Variants in TMEM50B observed in about 807,000 individuals in gnomAD.
TMEM50B encodes the protein HCV p7-trans-regulated protein 3.
A neutral mutation model predicts 23.4 loss-of-function variants in TMEM50B; 14 were observed. The ratio of observed to expected loss-of-function variants is 0.60; its 90% CI spans 0.39 to 0.93. The LOEUF (loss-of-function observed/expected upper bound fraction) is 0.93, where lower values mean the gene tolerates loss of function less well. Ranked by LOEUF, TMEM50B falls within the 40% of genes least tolerant of loss-of-function variation. TMEM50B has a pLI of 0.00. For missense variants in TMEM50B, 159 were observed against 193.0 expected, an observed-to-expected ratio of 0.82 and a Z score of 1.04; for synonymous variants, 64 against 62.3, an observed-to-expected ratio of 1.03 and a Z score of -0.13.
At chr21:33,474,159 A>C (rs1314615871) in intron 1 of TMEM50B, among the ~76,000 whole-genome samples, 2 of 151,594 alleles carry the variant, frequency 1.3e-5, no homozygotes, top group Non-Finnish European at 2.9e-5. Flanking sequence ...TATATACTGT[A>C]TCTCAACAAA....
At chr21:33,475,338 G>T (rs962909092) in intron 1 of TMEM50B, among the ~76,000 whole-genome samples, 1 of 151,894 alleles carries the variant, frequency 6.6e-6, no homozygotes, top group African/African-American at 2.4e-5. Context: ...AATTTGCAAT[G>T]AAAGAAATTA....
intron 7 of TMEM50B, among the ~76,000 whole-genome samples, chr21:33,440,634 G>C (rs1400628034): frequency 2.0e-5 from 3 of 150,744 alleles, no homozygotes; most frequent in Non-Finnish European, 2.9e-5. Flanking sequence ...TGTAATCCCA[G>C]AACTTTGGGA....
At chr21:33,448,349 TAAA>T (rs1213866597), downstream of TMEM50B, among the ~76,000 whole-genome samples, 1 of 152,212 alleles carries the variant, frequency 6.6e-6, no homozygotes, top group South Asian at 2.1e-4. Context: ...TGCTCACAAC[TAAA>T]AAACAAATTC....
downstream of TMEM50B, chr21:33,447,236 C>T (rs1475080562): frequency 1.3e-5 from 2 of 151,980 alleles, no homozygotes; most frequent in South Asian, 2.1e-4. Context: ...GACACACACA[C>T]CTTTTCTCAG....
downstream of TMEM50B, among the ~76,000 whole-genome samples, chr21:33,446,092 C>G (rs2084050356): frequency 1.3e-5 from 2 of 152,180 alleles, no homozygotes; most frequent in South Asian, 2.1e-4. Context: ...CATAATCAGG[C>G]TGGCCACAGG....
intron 5 of TMEM50B, among the ~76,000 whole-genome samples, chr21:33,459,993 G>T (rs1038924517): frequency 3.3e-5 from 5 of 152,162 alleles, no homozygotes; most frequent in African/African-American, 1.2e-4. Flanking sequence ...GTCAGTTTAG[G>T]TCAGGTTTTG....
At chr21:33,469,316 T>C (rs1306929798) in intron 1 of TMEM50B, among the ~76,000 whole-genome samples, 2 of 152,150 alleles carry the variant, frequency 1.3e-5, no homozygotes, top group Non-Finnish European at 2.9e-5. Context: ...CTGGGCGTGG[T>C]GGCACATGCC....
chr21:33,445,896 A>G (rs1455217467), downstream of TMEM50B, among the ~76,000 whole-genome samples: 1 of 152,250 alleles, frequency 6.6e-6, no homozygotes, highest in Non-Finnish European at 1.5e-5. Flanking sequence ...AGACAGGGAA[A>G]CAGTCTTGCA....
At chr21:33,473,931 C>T (rs1185638963) in intron 1 of TMEM50B, among the ~76,000 whole-genome samples, 1 of 152,018 alleles carries the variant, frequency 6.6e-6, no homozygotes, top group Non-Finnish European at 1.5e-5. Context: ...GACAGAAGAC[C>T]ATATATTGTG....
chr21:33,436,641 G>T (rs2083954620), intron 8 of TMEM50B, among the ~76,000 whole-genome samples: 1 of 151,696 alleles, frequency 6.6e-6, no homozygotes, highest in South Asian at 2.1e-4. Context: ...AGAATCGCTT[G>T]AACCTGGGAA....
At chr21:33,471,126 A>C (rs940554860) in intron 1 of TMEM50B, among the ~76,000 whole-genome samples, 1 of 152,176 alleles carries the variant, frequency 6.6e-6, no homozygotes, top group African/African-American at 2.4e-5. Context: ...AGAGAGCCCC[A>C]AACACTTTAA....
At chr21:33,475,070 G>A (rs1164477435) in intron 1 of TMEM50B, among the ~76,000 whole-genome samples, 1 of 151,194 alleles carries the variant, frequency 6.6e-6, no homozygotes, top group Non-Finnish European at 1.5e-5. Flanking sequence ...GAGATTACAG[G>A]TGCCCACCAC....
downstream of TMEM50B, among the ~76,000 whole-genome samples, chr21:33,444,274 G>A (rs1357431171): frequency 3.9e-5 from 6 of 152,178 alleles, no homozygotes; most frequent in Non-Finnish European, 7.3e-5. Context: ...CAGGCTGGGC[G>A]CAGTGGCTCA....
intron 1 of TMEM50B, among the ~76,000 whole-genome samples, chr21:33,472,568 A>T (rs944239042): frequency 4.6e-5 from 7 of 151,832 alleles, no homozygotes; most frequent in Admixed American, 1.3e-4. Flanking sequence ...ATAAGAAATA[A>T]AAAAATTTTG....
intron 5 of TMEM50B, 140 bp downstream of exon 5, chr21:33,460,273 A>G (rs2084205384): frequency 1.5e-6 from 1 of 663,950 alleles, no homozygotes; most frequent in Non-Finnish European, 2.7e-6. Context: ...AAGTTTTATT[A>G]AACTCATGTA....
At chr21:33,458,077 G>A (rs560243392) in intron 5 of TMEM50B, among the ~76,000 whole-genome samples, 17 of 152,190 alleles carry the variant, frequency 1.1e-4, no homozygotes, top group African/African-American at 3.9e-4. Context: ...CATGCTGCTG[G>A]GTGAAGCTCT....
intron 2 of TMEM50B, 100 bp from the exon 3 acceptor site, chr21:33,467,222 G>T: frequency 9.3e-7 from 1 of 1,078,422 alleles, no homozygotes; most frequent in Non-Finnish European, 1.4e-6. Flanking sequence ...TAAATGGGCT[G>T]GGTACAGAGG....
At chr21:33,463,278 C>T (rs2084233904) in intron 4 of TMEM50B, among the ~76,000 whole-genome samples, 2 of 152,064 alleles carry the variant, frequency 1.3e-5, no homozygotes, top group Admixed American at 1.3e-4. Flanking sequence ...GGTGACAGAG[C>T]GAGACTCCGT....
rs1179879391 is a variant in TMEM50B, at chr21:33,450,087, T to G, written c.*731A>C. 6.6e-6 allele frequency: 1 copy of G among 152,170 alleles called. No individual in the cohort carries two copies. The highest frequency in any genetic ancestry group is 1.5e-5 in the Non-Finnish European group (1 of 68,018). 9.4% of individuals were successfully genotyped at this position (152,170 alleles called of 1,614,324 possible). A position where few individuals can be genotyped will look rare whatever the true frequency, so the allele number is the denominator to read the frequency against. The stretch of plus-strand genomic sequence containing the variant: ...TTTTTCTTTACCAAAAAAACCTCAT[T>G]TTTAGGCCAAAATAAGTTACAACTT... On this transcript the variant is annotated 3_prime_UTR_variant, in exon 7 of 7. Coordinates refer to ENST00000542230, the MANE Select transcript of TMEM50B (RefSeq NM_006134.7).
Sources: gnomAD v4.1 joint callset for allele counts (sites outside exome capture counted in the v4.1 genomes callset) on GRCh38, gnomAD v4.1.1 for gene constraint, MANE v1.5 for transcripts, NCBI Gene and HGNC (gene_info 2026-07-23, HGNC 2026-07-21) for gene names.